Variants in SHANK2 observed in about 807,000 individuals in gnomAD.
The protein encoded by SHANK2 is SH3 and multiple ankyrin repeat domains 2.
Under a neutral mutation model 133.7 loss-of-function variants are expected in SHANK2, and 43 were observed. The observed-to-expected ratio is 0.32, with a 90% CI of 0.25 to 0.41. SHANK2 has a LOEUF of 0.41. Among genes scored for constraint, SHANK2 ranks in the 10% least tolerant of loss-of-function variants. SHANK2 has a pLI of 1.00. For synonymous variants in SHANK2, 1,017 were observed against 952.8 expected (o/e 1.07, Z -1.24); for missense variants, 1,994 against 2,235.8 (o/e 0.89, Z 2.18).
rs535122973 is a variant in SHANK2, at chr11:70,737,608, C to A, written c.1778-38845G>T. 1.2e-3 allele frequency among the ~76,000 whole-genome samples: 176 copies of A among 152,334 alleles called. 1 individual carries two copies. Among genetic ancestry groups the A allele is most frequent in the African/African-American group, 3.8e-3 (159 of 41,586 alleles). ...CCATTTCTCTCCAGGAGACTGTCTG[C>A]AAAGGCTTCCGCGCTCCCTGACCCT... On this transcript the variant is annotated intron_variant, in intron 14 of 25. Transcript: ENST00000601538.
At chr11:70,911,256 T>C in intron 10 of SHANK2, 1 of 450,072 alleles carries the variant, frequency 2.2e-6, no homozygotes, top group Non-Finnish European at 4.5e-6. Flanking sequence ...GATGGAGTCT[T>C]GCTCTGTTGC....
intron 10 of SHANK2, among the ~76,000 whole-genome samples, chr11:70,898,282 G>GCACGCACACACA: frequency 7.4e-6 from 1 of 135,474 alleles, no homozygotes; most frequent in South Asian, 2.5e-4. Flanking sequence ...ATACACACAC[G>GCACGCACACACA]CACACACACA....
chr11:70,841,181 G>A (rs1342768579), intron 11 of SHANK2, among the ~76,000 whole-genome samples: 1 of 152,170 alleles, frequency 6.6e-6, no homozygotes, highest in African/African-American at 2.4e-5. Flanking sequence ...TAGGGCAGGA[G>A]AATCGCTTGA....
intron 25 of SHANK2, among the ~76,000 whole-genome samples, chr11:70,482,177 T>A (rs782305743): frequency 6.6e-6 from 1 of 152,238 alleles, no homozygotes; most frequent in Non-Finnish European, 1.5e-5. Flanking sequence ...GCCATCCTGT[T>A]TCTAGTCCAA....
chr11:70,918,054 C>A (rs1362272924), intron 10 of SHANK2, among the ~76,000 whole-genome samples: 2 of 149,766 alleles, frequency 1.3e-5, no homozygotes, highest in Non-Finnish European at 3.0e-5. Context: ...TAAATAAGGC[C>A]AACAGATGAA....
intron 17 of SHANK2, chr11:70,566,421 G>A (rs1003759292): frequency 6.6e-6 from 1 of 152,204 alleles, no homozygotes; most frequent in South Asian, 2.1e-4. Context: ...CCAAATGGGA[G>A]TGGAAAAGTG....
At chr11:70,784,354 T>TG (rs1392091698) in intron 14 of SHANK2, among the ~76,000 whole-genome samples, 2 of 126,112 alleles carry the variant, frequency 1.6e-5, no homozygotes, top group Non-Finnish European at 3.2e-5. Flanking sequence ...TTTTTTTTTT[T>TG]TTTTTTTTTT....
chr11:70,623,351 T>C (rs2060858318), intron 17 of SHANK2, among the ~76,000 whole-genome samples: 1 of 152,098 alleles, frequency 6.6e-6, no homozygotes, highest in Non-Finnish European at 1.5e-5. Context: ...CGGCCAGCAC[T>C]GCACAGCTAT....
intron 17 of SHANK2, among the ~76,000 whole-genome samples, chr11:70,548,451 G>A (rs1055015988): frequency 1.3e-5 from 2 of 152,304 alleles, no homozygotes; most frequent in African/African-American, 2.4e-5. Flanking sequence ...ACCTCAGCCC[G>A]TCTCCCGCTG....
chr11:70,836,849 C>T (rs1948826664), intron 11 of SHANK2, among the ~76,000 whole-genome samples: 2 of 152,194 alleles, frequency 1.3e-5, no homozygotes, highest in African/African-American at 4.8e-5. Context: ...GAAACCCTAA[C>T]CTCCCATGTC....
intron 22 of SHANK2, 62 bp from the exon 23 acceptor site, chr11:70,490,449 G>T: frequency 7.1e-7 from 1 of 1,399,006 alleles, no homozygotes; most frequent in Non-Finnish European, 1.0e-6. Context: ...ACGGTCACAG[G>T]GCCCAGAGAC....
chr11:71,215,824 T>C (rs932251929), intron 2 of SHANK2, among the ~76,000 whole-genome samples: 1 of 151,918 alleles, frequency 6.6e-6, no homozygotes, highest in East Asian at 1.9e-4. Context: ...ACCACAACCT[T>C]TTTAGGGACA....
At chr11:71,128,945 C>T (rs1239066394) in intron 3 of SHANK2, among the ~76,000 whole-genome samples, 6 of 152,228 alleles carry the variant, frequency 3.9e-5, no homozygotes, top group South Asian at 2.1e-4. Flanking sequence ...CCACCACGCC[C>T]GGCTAATTTT....
intron 14 of SHANK2, among the ~76,000 whole-genome samples, chr11:70,736,864 C>T (rs568948414): frequency 1.5e-4 from 23 of 152,178 alleles, no homozygotes; most frequent in African/African-American, 3.4e-4. Flanking sequence ...CAGAACCAAA[C>T]GGTTTGTCAA....
chr11:70,742,640 G>A (rs782700032), intron 14 of SHANK2, among the ~76,000 whole-genome samples: 1 of 152,190 alleles, frequency 6.6e-6, no homozygotes. Flanking sequence ...TGACAGAGAG[G>A]CAGGCCCAGG....
At chr11:71,221,284 T>A (rs980709664) in intron 2 of SHANK2, among the ~76,000 whole-genome samples, 27 of 152,110 alleles carry the variant, frequency 1.8e-4, no homozygotes, top group African/African-American at 6.3e-4. Context: ...AAAACAAAAT[T>A]TCATTTACAA....
chr11:70,953,962 C>T (rs1394882346), intron 10 of SHANK2, among the ~76,000 whole-genome samples: 1 of 152,120 alleles, frequency 6.6e-6, no homozygotes, highest in Admixed American at 6.5e-5. Context: ...CTAGGAGAGC[C>T]GTGTGTGTAT....
chr11:70,874,257 C>A (rs566328568), intron 11 of SHANK2, among the ~76,000 whole-genome samples: 1 of 152,002 alleles, frequency 6.6e-6, no homozygotes, highest in Non-Finnish European at 1.5e-5. Context: ...TCCCTCTAAT[C>A]TAATCTAATC....
At chr11:71,150,298 A>AAGGAAGAGGG (rs1555107807) in intron 2 of SHANK2, among the ~76,000 whole-genome samples, 1 of 67,018 alleles carries the variant, frequency 1.5e-5, no homozygotes, top group Non-Finnish European at 2.9e-5. Flanking sequence ...AGGGAGGGAG[A>AAGGAAGAGGG]AGGAAGAGGG....
Sources: allele counts gnomAD v4.1 joint callset (sites outside exome capture counted in the v4.1 genomes callset), GRCh38; gene constraint gnomAD v4.1.1; transcripts MANE v1.5; gene names NCBI Gene and HGNC (gene_info 2026-07-23, HGNC 2026-07-21).